Variants in SLC46A1 observed in about 807,000 individuals in gnomAD.
The protein encoded by SLC46A1 is proton-coupled folate transporter.
In SLC46A1, 17 loss-of-function variants were observed where a neutral mutation model predicts 32.1. That is an observed-to-expected ratio of 0.53 (90% CI 0.36 to 0.79). SLC46A1 has a LOEUF of 0.79. Ranked by LOEUF, SLC46A1 falls within the 30% of genes least tolerant of loss-of-function variation. The pLI is 0.00. For missense variants in SLC46A1, 517 were observed against 588.2 expected (o/e 0.88, Z 1.25); for synonymous variants, 240 against 262.7 (o/e 0.91, Z 0.84).
rs2068160732 is a variant in SLC46A1 at position 28,398,768 on chromosome 17, C to T, written c.*888G>A. 1 of 152,282 alleles carries T rather than the reference C, an allele frequency of 6.6e-6. No homozygotes were observed. 9.4% of individuals were successfully genotyped at this position (152,282 alleles called of 1,614,324 possible). ...GGAAGTGGGAAGTATCTCAGAGAAT[C>T]AGCTAAGTTTCCTAACTTGTCCATC... is the stretch of plus-strand genomic sequence containing the variant. On this transcript the variant is annotated 3_prime_UTR_variant, in exon 5 of 5. Transcript: ENST00000612814.
intron 4 of SLC46A1, chr17:28,399,974 C>T: frequency 2.2e-6 from 1 of 461,872 alleles, no homozygotes; most frequent in Admixed American, 3.4e-5. Context: ...GCTCACTGTA[C>T]CCTTGAACTC....
rs1555588834 is a variant in SLC46A1 at position 28,398,902 on chromosome 17, C to G, written c.*754G>C. The G allele has an allele frequency of 2.0e-5, 3 of 152,226 alleles. No individual in the cohort carries two copies. Among genetic ancestry groups the G allele is most frequent in the Non-Finnish European group, 2.9e-5 (2 of 68,070 alleles). The allele number at this position is 152,226 out of a possible 1,614,324, so 9.4% of individuals were successfully genotyped here. A position where few individuals can be genotyped will look rare whatever the true frequency, so the allele number is the denominator to read the frequency against. On this transcript the variant is annotated 3_prime_UTR_variant, in exon 5 of 5. Transcript: ENST00000612814. ...AGTCAGTAGAAGCCCTGGCTGGCCC[C>G]ACTTGGTACCAATCCACCAGGCAGC...
rs782576278 is a variant in SLC46A1, at chr17:28,400,651, G to A, written c.1281C>T (p.Leu427=). The A allele has an allele frequency of 3.0e-5, 49 of 1,613,640 alleles. No homozygotes were observed. Among genetic ancestry groups the A allele is most frequent in the Non-Finnish European group, 4.0e-5 (47 of 1,179,830 alleles). ...GGATGAGCAGGAGGCCAGCTCCCAG[G>A]AGGAAGGGGAACCCCTTCATAAAGT... The part of the protein sequence containing the change: ...TLNFMKGFPF[L]LGAGLLLIPA... Residue 427 remains leucine (L), a synonymous_variant, in exon 4 of 5, where the codon CTC becomes CTT. Transcript: ENST00000612814.
At chr17:28,401,161 A>T (rs1475628584) in intron 3 of SLC46A1, 1 of 264,602 alleles carries the variant, frequency 3.8e-6, no homozygotes, top group African/African-American at 2.2e-5. Flanking sequence ...TCCAATATTC[A>T]TAGCGGTGTC....
intron 4 of SLC46A1, 184 bp from the exon 5 acceptor site, chr17:28,399,897 CTTT>C: frequency 2.0e-6 from 1 of 506,820 alleles, no homozygotes; most frequent in Admixed American, 3.2e-5. Context: ...TGGAAAATAA[CTTT>C]TTTTTTTTTA....
At position 28,400,032 on chromosome 17, in the gene SLC46A1, T is replaced by C. The variant is rs2068176989; in HGVS notation, c.1323-319A>G. ...CCTCAGCCTCCTTAGTAGCTGGGAC[T>C]ACCAGTGCATACCACCATGCCTGGG... is the stretch of plus-strand genomic sequence containing the variant. On this transcript the variant is annotated intron_variant, in intron 4 of 4. Transcript: ENST00000612814. 13 of 346,110 alleles carry C rather than the reference T, an allele frequency of 3.8e-5. No homozygotes were observed. In the South Asian group the frequency reaches 4.1e-4, roughly 11 times the overall value. The allele number at this position is 346,110 out of a possible 1,614,324, so 21.4% of individuals were successfully genotyped here.
In SLC46A1 at chr17:28,396,267, C is replaced by T. The variant is rs146812537; in HGVS notation, c.*3389G>A. 670 of 1,613,894 alleles carry T rather than the reference C, an allele frequency of 4.2e-4. No homozygotes were observed. Among genetic ancestry groups the T allele is most frequent in the Non-Finnish European group, 5.3e-4 (627 of 1,179,890 alleles). On this transcript the variant is annotated 3_prime_UTR_variant, in exon 5 of 5. Transcript: ENST00000612814. The stretch of plus-strand genomic sequence containing the variant: ...TCTGACACCAGTTTGGAGGGTGCTG[C>T]ACCCATGGGTCCAACCTAACCAGTC...
Position 28,394,680 on chromosome 17 carries a change from A to T in SLC46A1, c.*4976T>A, listed in dbSNP as rs975638416. 6.6e-6 allele frequency: 1 copy of T among 152,210 alleles called. No homozygotes were observed. The highest frequency in any genetic ancestry group is 6.5e-5 in the Admixed American group (1 of 15,280). 9.4% of individuals were successfully genotyped at this position (152,210 alleles called of 1,614,324 possible). A position where few individuals can be genotyped will look rare whatever the true frequency, so the allele number is the denominator to read the frequency against. On this transcript the variant is annotated 3_prime_UTR_variant, in exon 5 of 5. Transcript: ENST00000612814. Reference sequence around the variant, plus strand: ...ATTAGTTGTTTATTATGTCAACCTTAAATAATGAGATTCAGAAAATAAGAC... The same window carrying T: ...ATTAGTTGTTTATTATGTCAACCTTTAATAATGAGATTCAGAAAATAAGAC...
In SLC46A1 at chr17:28,396,533, G is replaced by T; in HGVS notation, c.*3123C>A. 1 of 544,036 alleles carries T rather than the reference G, an allele frequency of 1.8e-6. No individual in the cohort carries two copies. The highest frequency in any genetic ancestry group is 2.2e-5 in the South Asian group (1 of 44,684). 33.7% of individuals were successfully genotyped at this position (544,036 alleles called of 1,614,324 possible). ...CTCCCCCAGGCCCTGCCATTGGGTT[G>T]TCTGTCTCCGTCATGGGGAGGGTCC... On this transcript the variant is annotated 3_prime_UTR_variant, in exon 5 of 5. Coordinates refer to ENST00000612814, the MANE Select transcript of SLC46A1 (RefSeq NM_080669.6).
rs739439 is a variant in SLC46A1 at position 28,396,803 on chromosome 17, C to T, written c.*2853G>A. On this transcript the variant is annotated 3_prime_UTR_variant, in exon 5 of 5. Transcript: ENST00000612814. ...GGCCCCTGCACTTACAACTTCCTGCCGCTCTGTGGCCTTGCCCTGTAATCA... is the reference window on the plus strand; with the variant it reads ...GGCCCCTGCACTTACAACTTCCTGCTGCTCTGTGGCCTTGCCCTGTAATCA... The T allele has an allele frequency of 0.13, 20,232 of 156,128 alleles. 1,605 individuals carry two copies. The highest frequency in any genetic ancestry group is 0.21 in the Middle Eastern group (62 of 300). 9.7% of individuals were successfully genotyped at this position (156,128 alleles called of 1,614,324 possible). A position where few individuals can be genotyped will look rare whatever the true frequency, so the allele number is the denominator to read the frequency against.
At chr17:28,399,829 C>T (rs1369381318) in intron 4 of SLC46A1, 116 bp from the exon 5 acceptor site, 8 of 978,268 alleles carry the variant, frequency 8.2e-6, no homozygotes, top group Non-Finnish European at 1.1e-5. Context: ...TCCTGAACCT[C>T]CTCCTTCCCC....
chr17:28,399,764 G>A (rs1555589137), intron 4 of SLC46A1, 51 bp from the exon 5 acceptor site: 3 of 1,597,518 alleles, frequency 1.9e-6, no homozygotes, highest in Non-Finnish European at 2.6e-6. Flanking sequence ...AACCCTCAAG[G>A]CCTGTCTGGA....
intron 4 of SLC46A1, 117 bp from the exon 5 acceptor site, chr17:28,399,830 C>T (rs1555589146): frequency 2.0e-6 from 2 of 980,816 alleles, no homozygotes; most frequent in Non-Finnish European, 3.2e-6. Context: ...CCTGAACCTC[C>T]TCCTTCCCCA....
Position 28,406,098 on chromosome 17 carries a change from C to G in SLC46A1, c.17G>C (p.Ser6Thr). The change falls in exon 1 of 5, where the codon AGC (serine) becomes ACC (threonine). Residue 6 changes from serine (S) to threonine (T), a missense_variant. Coordinates refer to ENST00000612814, the MANE Select transcript of SLC46A1 (RefSeq NM_080669.6). This position sits in a 1 kb window ranked among gnomAD's most constrained non-coding sequence, Gnocchi z 4.5. ...GCGGGCGCGGGGCTTTTCCGGGGGG[C>G]TCGCGCTCCCCTCCATGTGCGTGCG... Reference protein sequence around the residue: MEGSASPPEKPRARPA... With the variant: MEGSATPPEKPRARPA... The G allele has an allele frequency of 6.4e-7, 1 of 1,558,050 alleles. No homozygotes were observed. The highest frequency in any genetic ancestry group is 1.2e-5 in the South Asian group (1 of 84,868).
At position 28,404,608 on chromosome 17, in the gene SLC46A1, C is replaced by G. The variant is rs782752375; in HGVS notation, c.1081+8G>C. ...GGGACAAGCTGTCCCTGAGCCCACA[C>G]ACTTTACCTGTGAACATGAGAGGCG... On this transcript the variant is annotated splice_region_variant and intron_variant, in intron 2 of 4. Coordinates refer to ENST00000612814, the MANE Select transcript of SLC46A1 (RefSeq NM_080669.6). The G allele has an allele frequency of 4.2e-5, 67 of 1,609,958 alleles. No individual in the cohort carries two copies. In the East Asian group the frequency reaches 1.5e-3, roughly 36 times the overall value.
chr17:28,405,878 C>G lies in SLC46A1; in HGVS notation c.228+9G>C. ...CCTCCACCTGCCAGGCTCCTCGCCGCCCCGCTACCTGCATGGTGGGGTCCG... is the reference window on the plus strand; with the variant it reads ...CCTCCACCTGCCAGGCTCCTCGCCGGCCCGCTACCTGCATGGTGGGGTCCG... On this transcript the variant is annotated intron_variant, in intron 1 of 4. Transcript: ENST00000612814. 1.3e-6 allele frequency: 2 copies of G among 1,562,246 alleles called. No homozygotes were observed. The highest frequency in any genetic ancestry group is 1.7e-6 in the Non-Finnish European group (2 of 1,154,176).
rs782084258 is a variant in SLC46A1, at chr17:28,399,513, C to G, written c.*143G>C. ...TGTGGATGGGGTGGTGCCTTGGTCT[C>G]TCTTGACTACCTCGTCCAAAGAGAG... is the stretch of plus-strand genomic sequence containing the variant. On this transcript the variant is annotated 3_prime_UTR_variant, in exon 5 of 5. Transcript: ENST00000612814. The G allele has an allele frequency of 1.9e-5, 15 of 810,108 alleles. No homozygotes were observed. The highest frequency in any genetic ancestry group is 3.0e-5 in the Non-Finnish European group (15 of 497,368). 50.2% of individuals were successfully genotyped at this position (810,108 alleles called of 1,614,324 possible). A position where few individuals can be genotyped will look rare whatever the true frequency, so the allele number is the denominator to read the frequency against.
rs41297065 is a variant in SLC46A1, at chr17:28,406,093, G to A, written c.22C>T (p.Pro8Ser). 1.7e-4 allele frequency: 262 copies of A among 1,562,520 alleles called. No individual in the cohort carries two copies. In the African/African-American group the frequency reaches 3.3e-3, roughly 19 times the overall value. The change falls in exon 1 of 5, where the codon CCG (proline) becomes TCG (serine). Residue 8 changes from proline to serine, a missense_variant. Transcript: ENST00000612814. The surrounding 1 kb of genome is among the most constrained non-coding windows in gnomAD (Gnocchi z 4.5). MEGSASP[P>S]EKPRARPAAA... ...GCAGGGCGGGCGCGGGGCTTTTCCG[G>A]GGGGCTCGCGCTCCCCTCCATGTGC... is the stretch of plus-strand genomic sequence containing the variant.
Position 28,400,716 on chromosome 17 carries a change from C to G in SLC46A1, c.1216G>C (p.Ala406Pro). The change falls in exon 4 of 5, where the codon GCC becomes CCC. Residue 406 changes from alanine to proline, a missense_variant. Transcript: ENST00000612814. ...TAGAGTGAGTTGAAGATGCCGGAGGCCGTCAGCATGGCCAGGCTATTCACA... is the reference window on the plus strand; with the variant it reads ...TAGAGTGAGTTGAAGATGCCGGAGGGCGTCAGCATGGCCAGGCTATTCACA... Reference protein sequence around the residue: ...ACVNSLAMLTASGIFNSLYPA... With the variant: ...ACVNSLAMLTPSGIFNSLYPA... 6.2e-7 allele frequency: 1 copy of G among 1,604,760 alleles called. No homozygotes were observed. The highest frequency in any genetic ancestry group is 8.5e-7 in the Non-Finnish European group (1 of 1,175,890).
Sources: allele counts gnomAD v4.1 joint callset, GRCh38; gene constraint gnomAD v4.1.1; non-coding constraint Gnocchi (gnomAD v3.1); transcripts MANE v1.5; gene names NCBI Gene and HGNC (gene_info 2026-07-23, HGNC 2026-07-21).